The following KCNQ1 variants were observed in gnomAD, a reference collection of about 807,000 sequenced individuals.
KCNQ1 encodes potassium voltage-gated channel subfamily KQT member 1.
KCNQ1 carries 49 observed loss-of-function variants against 72.4 expected under a neutral mutation model. The ratio of observed to expected loss-of-function variants is 0.68; its 90% CI spans 0.54 to 0.86. KCNQ1 has a LOEUF of 0.86. Among genes scored for constraint, KCNQ1 ranks in the 40% least tolerant of loss-of-function variants. KCNQ1 has a pLI of 0.00. For missense variants in KCNQ1, 790 were observed against 945.1 expected, an observed-to-expected ratio of 0.84 and a Z score of 2.15; for synonymous variants, 450 against 412.6, an observed-to-expected ratio of 1.09 and a Z score of -1.10.
Position 2,703,344 on chromosome 11 carries a change from G to A in KCNQ1, c.1514+41263G>A, listed in dbSNP as rs1034602581. ...GGTGGCCACTCCCTGAGCTCCCCAC[G>A]TGACAGAGGGCAGGTCCCATTCTCC... is the stretch of plus-strand genomic sequence containing the variant. On this transcript the variant is annotated intron_variant, in intron 11 of 15. Coordinates refer to ENST00000155840, the MANE Select transcript of KCNQ1 (RefSeq NM_000218.3). The surrounding 1 kb of genome is among the most constrained non-coding windows in gnomAD (Gnocchi z 6.4). 2.6e-4 allele frequency among the ~76,000 whole-genome samples: 39 copies of A among 152,200 alleles called. No homozygotes were observed. Among genetic ancestry groups the A allele is most frequent in the Non-Finnish European group, 5.1e-4 (35 of 68,030 alleles).
rs74048626 is a variant in KCNQ1 at position 2,458,372 on chromosome 11, C to T, written c.386+12888C>T. ...ATGATGTTGAATCCTGGCAAGCAAA[C>T]GGAGAGAATCTGACATGTGTCCCAG... On this transcript the variant is annotated intron_variant, in intron 1 of 15. Coordinates refer to ENST00000155840, the MANE Select transcript of KCNQ1 (RefSeq NM_000218.3). This position sits in a 1 kb window ranked among gnomAD's most constrained non-coding sequence, Gnocchi z 4.6. 0.038 allele frequency among the ~76,000 whole-genome samples: 5,780 copies of T among 152,272 alleles called. 349 individuals carry two copies. The highest frequency in any genetic ancestry group is 0.13 in the African/African-American group (5,261 of 41,530).
In KCNQ1 at chr11:2,682,684, T is replaced by G. The variant is rs767049078; in HGVS notation, c.1514+20603T>G. ...TCCACATGCTATTGTCCATAGAAGC[T>G]GGGGTCCAAAGTTGACCAGAATATC... On this transcript the variant is annotated intron_variant, in intron 11 of 15. Transcript: ENST00000155840. The surrounding 1 kb of genome is among the most constrained non-coding windows in gnomAD (Gnocchi z 5.8). 5.0e-6 allele frequency: 2 copies of G among 398,496 alleles called. No individual in the cohort carries two copies. Among genetic ancestry groups the G allele is most frequent in the Non-Finnish European group, 8.8e-6 (2 of 226,080 alleles). The allele number at this position is 398,496 out of a possible 1,614,324, so 24.7% of individuals were successfully genotyped here. A position where few individuals can be genotyped will look rare whatever the true frequency, so the allele number is the denominator to read the frequency against.
At position 2,691,378 on chromosome 11, in the gene KCNQ1, G is replaced by C. The variant is rs1223297003; in HGVS notation, c.1514+29297G>C. 3 of 398,518 alleles carry C rather than the reference G, an allele frequency of 7.5e-6. No individual in the cohort carries two copies. The highest frequency in any genetic ancestry group is 1.3e-5 in the Non-Finnish European group (3 of 226,088). 24.7% of individuals were successfully genotyped at this position (398,518 alleles called of 1,614,324 possible). A position where few individuals can be genotyped will look rare whatever the true frequency, so the allele number is the denominator to read the frequency against. On this transcript the variant is annotated intron_variant, in intron 11 of 15. Coordinates refer to ENST00000155840, the MANE Select transcript of KCNQ1 (RefSeq NM_000218.3). The surrounding 1 kb of genome is among the most constrained non-coding windows in gnomAD (Gnocchi z 6.4). ...CCTGACATCTTGGGCTCAGGCCTCT[G>C]GGTCTGGGCATAGAAGCCCAGGAAC...
At chr11:2,775,721 A>G (rs1468989801) in intron 12 of KCNQ1, among the ~76,000 whole-genome samples, 2 of 152,184 alleles carry the variant, frequency 1.3e-5, no homozygotes, top group Non-Finnish European at 2.9e-5. Context: ...GTAGACAGGA[A>G]GCTGGGACCC....
At position 2,669,052 on chromosome 11, in the gene KCNQ1, C is replaced by T. The variant is rs1195257363; in HGVS notation, c.1514+6971C>T. The T allele has an allele frequency of 1.5e-5, 6 of 398,584 alleles. No individual in the cohort carries two copies. The highest frequency in any genetic ancestry group is 1.1e-4 in the East Asian group (3 of 28,094). 24.7% of individuals were successfully genotyped at this position (398,584 alleles called of 1,614,324 possible). A position where few individuals can be genotyped will look rare whatever the true frequency, so the allele number is the denominator to read the frequency against. On this transcript the variant is annotated intron_variant, in intron 11 of 15. Coordinates refer to ENST00000155840, the MANE Select transcript of KCNQ1 (RefSeq NM_000218.3). This position sits in a 1 kb window ranked among gnomAD's most constrained non-coding sequence, Gnocchi z 5.6. The stretch of plus-strand genomic sequence containing the variant: ...GCTCAGCACCCGGCATGGGAAGGCC[C>T]GTCCTCTCCCAACTACCCTGCCGTA...
intron 11 of KCNQ1, chr11:2,662,484 G>A: frequency 2.1e-6 from 1 of 465,258 alleles, no homozygotes; most frequent in Non-Finnish European, 3.8e-6. Context: ...TCTGCCAGTT[G>A]CTGCTGCTGT....
Position 2,468,663 on chromosome 11 carries a change from A to T in KCNQ1, c.386+23179A>T, listed in dbSNP as rs887191188. Among the ~76,000 whole-genome samples the T allele has an allele frequency of 2.0e-5, 3 of 152,138 alleles. No individual in the cohort carries two copies. Among genetic ancestry groups the T allele is most frequent in the Non-Finnish European group, 4.4e-5 (3 of 68,026 alleles). On this transcript the variant is annotated intron_variant, in intron 1 of 15. Coordinates refer to ENST00000155840, the MANE Select transcript of KCNQ1 (RefSeq NM_000218.3). The surrounding 1 kb of genome is among the most constrained non-coding windows in gnomAD (Gnocchi z 5.7). ...TTGTGCCTTGTGGAATTTTATTTGG[A>T]TGGACTCTGGCAGCCAACGCTGGTT...
intron 11 of KCNQ1, chr11:2,692,647 C>T (rs1850607224): frequency 7.5e-6 from 3 of 398,568 alleles, no homozygotes; most frequent in South Asian, 2.5e-4. Flanking sequence ...CAGCACTCCC[C>T]TCAGGGTGCA....
chr11:2,480,738 T>TAG lies in KCNQ1; in HGVS notation c.386+35258_386+35259dup, dbSNP rs555188077. 2.7e-3 allele frequency among the ~76,000 whole-genome samples: 408 copies of TAG among 152,242 alleles called. 3 individuals carry two copies. Among genetic ancestry groups the TAG allele is most frequent in the African/African-American group, 9.5e-3 (395 of 41,538 alleles). ...TGAGGTAGAGAACTGTAGTGTGCAATAGAGACCTGTAGTGTGCATGTCAGT... is the reference window on the plus strand; with the variant it reads ...TGAGGTAGAGAACTGTAGTGTGCAATAGAGAGACCTGTAGTGTGCATGTCAGT... On this transcript the variant is annotated intron_variant, in intron 1 of 15. Transcript: ENST00000155840.
At chr11:2,448,990 G>A (rs1019437687) in intron 1 of KCNQ1, among the ~76,000 whole-genome samples, 11 of 152,262 alleles carry the variant, frequency 7.2e-5, no homozygotes, top group Non-Finnish European at 1.5e-4. Context: ...GGCCTCCCCA[G>A]CCTGTGTGGG....
In KCNQ1 at chr11:2,653,432, C is replaced by G. The variant is rs1365909422; in HGVS notation, c.1394-8529C>G. On this transcript the variant is annotated intron_variant, in intron 10 of 15. Transcript: ENST00000155840. The surrounding 1 kb of genome is among the most constrained non-coding windows in gnomAD (Gnocchi z 5.3). ...GAACCCCAACTCAAACAAGCTTAAG[C>G]ACAAAAGGGACATTTTTTGGCTCAC... 5.0e-6 allele frequency: 2 copies of G among 398,590 alleles called. No homozygotes were observed. Among genetic ancestry groups the G allele is most frequent in the Non-Finnish European group, 8.8e-6 (2 of 226,136 alleles). 24.7% of individuals were successfully genotyped at this position (398,590 alleles called of 1,614,324 possible). A position where few individuals can be genotyped will look rare whatever the true frequency, so the allele number is the denominator to read the frequency against.
At chr11:2,522,205 G>A (rs184334108) in intron 1 of KCNQ1, among the ~76,000 whole-genome samples, 62 of 151,822 alleles carry the variant, frequency 4.1e-4, no homozygotes, top group Middle Eastern at 3.4e-3. Context: ...GCAGCTCCCC[G>A]CCCCCCGCAT....
intron 15 of KCNQ1, among the ~76,000 whole-genome samples, chr11:2,821,735 T>A (rs1847742027): frequency 6.6e-6 from 1 of 152,110 alleles, no homozygotes; most frequent in African/African-American, 2.4e-5. Flanking sequence ...TCCCCACCTT[T>A]TCCTGGCTGC....
chr11:2,638,133 A>G (rs569299232), intron 10 of KCNQ1: 128 of 152,164 alleles, frequency 8.4e-4, no homozygotes, highest in African/African-American at 2.8e-3. Context: ...TCTTTATCCA[A>G]TTTGCCAGTC....
Position 2,595,303 on chromosome 11 carries a change from T to C in KCNQ1, c.1393+6449T>C, listed in dbSNP as rs1589972986. ...TAAGGTGGCAGATACAAGATTAATA[T>C]GCAAAAATCAATTCCATTCATATAT... On this transcript the variant is annotated intron_variant, in intron 10 of 15. Transcript: ENST00000155840. This position sits in a 1 kb window ranked among gnomAD's most constrained non-coding sequence, Gnocchi z 5.0. 6.6e-6 allele frequency among the ~76,000 whole-genome samples: 1 copy of C among 152,204 alleles called. No individual in the cohort carries two copies. The highest frequency in any genetic ancestry group is 1.5e-5 in the Non-Finnish European group (1 of 68,030).
rs1313024520 is a variant in KCNQ1, at chr11:2,748,570, G to T, written c.1515-20274G>T. Among the ~76,000 whole-genome samples, 2 of 152,222 alleles carry T rather than the reference G, an allele frequency of 1.3e-5. No individual in the cohort carries two copies. Among genetic ancestry groups the T allele is most frequent in the Non-Finnish European group, 2.9e-5 (2 of 68,034 alleles). On this transcript the variant is annotated intron_variant, in intron 11 of 15. Coordinates refer to ENST00000155840, the MANE Select transcript of KCNQ1 (RefSeq NM_000218.3). This position sits in a 1 kb window ranked among gnomAD's most constrained non-coding sequence, Gnocchi z 6.2. Reference sequence around the variant, plus strand: ...CCGGGTGGGACAAGCCTGGCAACCAGGACCCAGCATGAAACTGCAGGTGCA... The same window carrying T: ...CCGGGTGGGACAAGCCTGGCAACCATGACCCAGCATGAAACTGCAGGTGCA...
chr11:2,490,318 C>T (rs1262458379), intron 1 of KCNQ1, among the ~76,000 whole-genome samples: 1 of 152,260 alleles, frequency 6.6e-6, no homozygotes, highest in East Asian at 1.9e-4. Context: ...TCCTGGATGG[C>T]ATCTCTGGAC....
intron 11 of KCNQ1, chr11:2,685,055 T>C (rs894753157): frequency 2.3e-5 from 9 of 398,510 alleles, no homozygotes; most frequent in Non-Finnish European, 3.5e-5. Flanking sequence ...GGATTTAAAA[T>C]GTATGGGACA....
intron 11 of KCNQ1, among the ~76,000 whole-genome samples, chr11:2,705,066 C>G (rs1850883730): frequency 6.6e-6 from 1 of 152,168 alleles, no homozygotes; most frequent in African/African-American, 2.4e-5. Context: ...GTGACAGATG[C>G]AGGTCCTGCT....
Sources: allele counts gnomAD v4.1 joint callset (sites outside exome capture counted in the v4.1 genomes callset), GRCh38; gene constraint gnomAD v4.1.1; non-coding constraint Gnocchi (gnomAD v3.1); transcripts MANE v1.5; gene names NCBI Gene and HGNC (gene_info 2026-07-23, HGNC 2026-07-21).